PPP1R13B: variants seen among roughly 807,000 people sequenced by gnomAD.
The protein encoded by PPP1R13B is apoptosis-stimulating of p53 protein 1.
PPP1R13B carries 44 observed loss-of-function variants against 119.8 expected under a neutral mutation model. That is an observed-to-expected ratio of 0.37 (90% CI 0.29 to 0.47). The LOEUF (loss-of-function observed/expected upper bound fraction) is 0.47, where lower values mean the gene tolerates loss of function less well. Ranked by LOEUF, PPP1R13B falls within the 20% of genes least tolerant of loss-of-function variation. PPP1R13B has a pLI of 0.99. For missense variants in PPP1R13B, 1,227 were observed against 1,413.5 expected, an observed-to-expected ratio of 0.87 and a Z score of 2.12; for synonymous variants, 542 against 561.5, an observed-to-expected ratio of 0.97 and a Z score of 0.49.
chr14:103,820,181 T>C (rs999945206), intron 1 of PPP1R13B, among the ~76,000 whole-genome samples: 1 of 152,190 alleles, frequency 6.6e-6, no homozygotes, highest in Non-Finnish European at 1.5e-5. Flanking sequence ...GGAATCATCC[T>C]ATTACGGACA....
chr14:103,811,782 C>T (rs1312150586), intron 1 of PPP1R13B, among the ~76,000 whole-genome samples: 11 of 151,062 alleles, frequency 7.3e-5, no homozygotes, highest in Admixed American at 2.6e-4. Context: ...CCAGGCCGGG[C>T]GCAGTGGCTC....
chr14:103,736,023 C>T lies in PPP1R13B; in HGVS notation c.3211G>A (p.Val1071Met). ...CTCACCCCCAGCAGGTTTTTGGGCA[C>T]ATAGCCCTCCCGGTCTCCAAGGCGA... ...WARLGDREGYVPKNLLGLYPR... is the reference protein window; with the variant it reads ...WARLGDREGYMPKNLLGLYPR... Residue 1071 changes from valine to methionine, a missense_variant, in exon 16 of 17, where the codon GTG (valine) becomes ATG (methionine). Coordinates refer to ENST00000202556, the MANE Select transcript of PPP1R13B (RefSeq NM_015316.3). 2.5e-6 allele frequency: 4 copies of T among 1,614,176 alleles called. No homozygotes were observed. The highest frequency in any genetic ancestry group is 1.1e-5 in the South Asian group (1 of 91,088).
At chr14:103,748,036 C>T (rs1036416752) in intron 8 of PPP1R13B, among the ~76,000 whole-genome samples, 1 of 151,824 alleles carries the variant, frequency 6.6e-6, no homozygotes, top group African/African-American at 2.4e-5. Context: ...CCAACGTCCA[C>T]AATCATGTGA....
intron 4 of PPP1R13B, among the ~76,000 whole-genome samples, chr14:103,762,586 C>G (rs2084833944): frequency 7.4e-6 from 1 of 135,126 alleles, no homozygotes; most frequent in South Asian, 2.4e-4. Flanking sequence ...TACCCTAAAA[C>G]TTAAAGTATT....
intron 1 of PPP1R13B, among the ~76,000 whole-genome samples, chr14:103,816,350 G>A (rs1169688174): frequency 1.3e-4 from 20 of 150,660 alleles, no homozygotes; most frequent in Non-Finnish European, 7.4e-5. Flanking sequence ...TAGAGACGGG[G>A]TTTCACCATG....
At position 103,847,467 on chromosome 14, in the gene PPP1R13B, C is replaced by A. The variant is rs908717857; in HGVS notation, c.-160G>T. 1 of 993,300 alleles carries A rather than the reference C, an allele frequency of 1.0e-6. No homozygotes were observed. Among genetic ancestry groups the A allele is most frequent in the Non-Finnish European group, 1.2e-6 (1 of 836,480 alleles). The allele number at this position is 993,300 out of a possible 1,614,324, so 61.5% of individuals were successfully genotyped here. On this transcript the variant is annotated 5_prime_UTR_variant, in exon 1 of 17. Transcript: ENST00000202556. ...CAGCTGCGGCGGGCTGCGGGGCTCT[C>A]GCTGGCCCTGTCGCGGCCGCCGGCG...
chr14:103,738,499 GAAAAGGCTGGAAA>G lies in PPP1R13B; in HGVS notation c.2864+167_2864+179del. On this transcript the variant is annotated intron_variant, in intron 14 of 16. Transcript: ENST00000202556. The surrounding 1 kb of genome is among the most constrained non-coding windows in gnomAD (Gnocchi z 5.6). ...CACGTTTTTAACAAAATCATCAAGA[GAAAAGGCTGGAAA>G]AAAAGGCAAGGAAACCCTGGCAACA... is the stretch of plus-strand genomic sequence containing the variant. 1.1e-6 allele frequency: 1 copy of G among 942,552 alleles called. No homozygotes were observed. The highest frequency in any genetic ancestry group is 2.7e-5 in the East Asian group (1 of 37,520). 58.4% of individuals were successfully genotyped at this position (942,552 alleles called of 1,614,324 possible).
rs2084278546 is a variant in PPP1R13B at position 103,742,262 on chromosome 14, G to A, written c.1350C>T (p.Pro450=). 1 of 1,575,474 alleles carries A rather than the reference G, an allele frequency of 6.3e-7. No homozygotes were observed. Among genetic ancestry groups the A allele is most frequent in the South Asian group, 1.1e-5 (1 of 88,218 alleles). Residue 450 remains proline (P), a synonymous_variant, in exon 11 of 17, where the codon CCC becomes CCT. Transcript: ENST00000202556. The surrounding 1 kb of genome is among the most constrained non-coding windows in gnomAD (Gnocchi z 4.9). ...PGIEIGKVPP[P]IPGVGKQLPP... ...GCAGCTGCTTGCCTACACCCGGGAT[G>A]GGAGGTGGCACTTTACCAATCTCGA...
At chr14:103,775,193 ACTCAATGTAT>A (rs1463746168) in intron 4 of PPP1R13B, among the ~76,000 whole-genome samples, 1 of 151,808 alleles carries the variant, frequency 6.6e-6, no homozygotes, top group Non-Finnish European at 1.5e-5. Flanking sequence ...CACACGGCCT[ACTCAATGTAT>A]CTATTTAATC....
In PPP1R13B at chr14:103,738,558, T is replaced by A; in HGVS notation, c.2864+121A>T. On this transcript the variant is annotated intron_variant, in intron 14 of 16. Coordinates refer to ENST00000202556, the MANE Select transcript of PPP1R13B (RefSeq NM_015316.3). The surrounding 1 kb of genome is among the most constrained non-coding windows in gnomAD (Gnocchi z 5.6). ...CAACAGCTGTCTTTCAAGGATGAAATGATGGGTGTTCTTGCTCTAATTCTC... is the reference window on the plus strand; with the variant it reads ...CAACAGCTGTCTTTCAAGGATGAAAAGATGGGTGTTCTTGCTCTAATTCTC... 7.0e-7 allele frequency: 1 copy of A among 1,428,340 alleles called. No homozygotes were observed. Among genetic ancestry groups the A allele is most frequent in the Non-Finnish European group, 9.5e-7 (1 of 1,051,324 alleles). The allele number at this position is 1,428,340 out of a possible 1,614,324, so 88.5% of individuals were successfully genotyped here.
At chr14:103,762,596 T>TAA (rs11446097) in intron 4 of PPP1R13B, among the ~76,000 whole-genome samples, 132 of 139,530 alleles carry the variant, frequency 9.5e-4, no homozygotes, top group East Asian at 4.3e-3. Context: ...CTTAAAGTAT[T>TAA]AAAAAAAAAA....
intron 15 of PPP1R13B, chr14:103,737,481 T>G: frequency 4.1e-6 from 2 of 486,712 alleles, no homozygotes; most frequent in Non-Finnish European, 3.5e-6. Flanking sequence ...GAGGCTGAAG[T>G]GGGAGGATCA....
chr14:103,749,706 G>T, intron 8 of PPP1R13B, 88 bp downstream of exon 8: 2 of 1,304,336 alleles, frequency 1.5e-6, no homozygotes, highest in South Asian at 1.3e-5. Flanking sequence ...TATGGTGGAT[G>T]GGGGAGCATA....
At chr14:103,810,886 C>T (rs1006333553) in intron 1 of PPP1R13B, among the ~76,000 whole-genome samples, 10 of 148,602 alleles carry the variant, frequency 6.7e-5, no homozygotes, top group East Asian at 2.0e-4. Context: ...GTCAGGAGTT[C>T]AAGACCAGCC....
At chr14:103,735,932 A>G (rs2084097301) in intron 16 of PPP1R13B, 71 bp downstream of exon 16, 1 of 1,529,336 alleles carries the variant, frequency 6.5e-7, no homozygotes, top group Non-Finnish European at 9.0e-7. Flanking sequence ...CCAGCCCCAC[A>G]GCAGGATAGG....
upstream of PPP1R13B, chr14:103,847,678 C>CG (rs1027171791): frequency 2.1e-3 from 2,010 of 946,186 alleles, 7 homozygotes; most frequent in Non-Finnish European, 2.3e-3. Flanking sequence ...CCGGTGGGAG[C>CG]GGGGGCGGGG....
At chr14:103,829,768 A>G (rs963617283) in intron 1 of PPP1R13B, among the ~76,000 whole-genome samples, 1 of 151,540 alleles carries the variant, frequency 6.6e-6, no homozygotes, top group African/African-American at 2.4e-5. Flanking sequence ...GCACCACCAC[A>G]CCTGGCTAAA....
chr14:103,740,332 C>A lies in PPP1R13B; in HGVS notation c.2084G>T (p.Arg695Leu). 1 of 1,568,286 alleles carries A rather than the reference C, an allele frequency of 6.4e-7. No homozygotes were observed. The highest frequency in any genetic ancestry group is 8.6e-7 in the Non-Finnish European group (1 of 1,156,890). ...YQSDADLEAL[R>L]RKLANAPRPL... ...CCGGGGCGCGTTGGCCAGCTTCCTG[C>A]GGAGGGCCTCCAGGTCTGCATCACT... Residue 695 changes from arginine (R) to leucine (L), a missense_variant, in exon 12 of 17, where the codon CGC becomes CTC. Physicochemically the swap from Arg to Leu is moderately radical, Grantham distance 102. Transcript: ENST00000202556. The surrounding 1 kb of genome is among the most constrained non-coding windows in gnomAD (Gnocchi z 4.6).
chr14:103,735,070 T>C lies in PPP1R13B; in HGVS notation c.*84A>G. The C allele has an allele frequency of 6.7e-7, 1 of 1,496,760 alleles. No individual in the cohort carries two copies. The highest frequency in any genetic ancestry group is 2.3e-5 in the East Asian group (1 of 44,328). 92.7% of individuals were successfully genotyped at this position (1,496,760 alleles called of 1,614,324 possible). A position where few individuals can be genotyped will look rare whatever the true frequency, so the allele number is the denominator to read the frequency against. Reference sequence around the variant, plus strand: ...AGCACCATTAAGACCATTTTCTAGCTGCAGCTTTCCTGGAAAACAGCACAA... The same window carrying C: ...AGCACCATTAAGACCATTTTCTAGCCGCAGCTTTCCTGGAAAACAGCACAA... On this transcript the variant is annotated 3_prime_UTR_variant, in exon 17 of 17. Transcript: ENST00000202556.
Sources: allele counts gnomAD v4.1 joint callset (sites outside exome capture counted in the v4.1 genomes callset), GRCh38; gene constraint gnomAD v4.1.1; non-coding constraint Gnocchi (gnomAD v3.1); transcripts MANE v1.5; gene names NCBI Gene and HGNC (gene_info 2026-07-23, HGNC 2026-07-21).